Variants in COL4A5 observed in about 807,000 individuals in gnomAD.
COL4A5 encodes the protein collagen alpha-5(IV) chain.
In COL4A5, 26 loss-of-function variants were observed where a neutral mutation model predicts 130.2. The observed-to-expected ratio is 0.20, with a 90% CI of 0.15 to 0.28. The LOEUF (loss-of-function observed/expected upper bound fraction) is 0.28, where lower values mean the gene tolerates loss of function less well. Ranked by LOEUF, COL4A5 falls within the 10% of genes least tolerant of loss-of-function variation. The pLI, the probability that COL4A5 is intolerant of heterozygous loss-of-function variation, is 1.00. For synonymous variants in COL4A5, 496 were observed against 439.6 expected (o/e 1.13, Z -1.60); for missense variants, 1,131 against 1,344.3 (o/e 0.84, Z 2.48).
intron 21 of COL4A5, 118 bp downstream of exon 21, chrX:108,591,762 C>G: frequency 1.8e-6 from 1 of 569,402 alleles, no homozygotes; most frequent in Non-Finnish European, 3.0e-6. Context: ...TACCCCAAGA[C>G]CATCTCATTA....
At chrX:108,547,799 T>G in intron 2 of COL4A5, among the ~76,000 whole-genome samples, 1 of 111,800 alleles carries the variant, frequency 8.9e-6, no homozygotes, top group East Asian at 2.8e-4. Flanking sequence ...TACTCAGGCC[T>G]CAGCAATGGC....
intron 9 of COL4A5, 129 bp downstream of exon 9, chrX:108,573,783 G>A (rs1349588357): frequency 6.0e-6 from 3 of 502,783 alleles, no homozygotes; most frequent in Non-Finnish European, 1.0e-5. Context: ...GACATTACAT[G>A]TACTTTCTAC....
intron 1 of COL4A5, among the ~76,000 whole-genome samples, chrX:108,491,834 G>A (rs1020928053): frequency 9.0e-6 from 1 of 111,610 alleles, no homozygotes; most frequent in Non-Finnish European, 1.9e-5. Context: ...CAGAAGGCTT[G>A]CCTTTATTTT....
At chrX:108,589,916 A>G (rs751023153) in intron 19 of COL4A5, among the ~76,000 whole-genome samples, 1 of 111,412 alleles carries the variant, frequency 9.0e-6, no homozygotes, top group Non-Finnish European at 1.9e-5. Flanking sequence ...CTATTAATAT[A>G]AGGAACTTAG....
In COL4A5 at chrX:108,656,789, G is replaced by T. The variant is rs187902319; in HGVS notation, c.3373+1332G>T. 1.0e-3 allele frequency among the ~76,000 whole-genome samples: 114 copies of T among 111,308 alleles called. 4 individuals are homozygous for T. In the East Asian group the frequency reaches 0.031, roughly 30 times the overall value. ...TAATCATCTTTTTATTATACTATTGGCCATTTGGATAGCATCTTTTTGAAG... is the reference window on the plus strand; with the variant it reads ...TAATCATCTTTTTATTATACTATTGTCCATTTGGATAGCATCTTTTTGAAG... On this transcript the variant is annotated intron_variant, in intron 37 of 52. Coordinates refer to ENST00000328300, the MANE Select transcript of COL4A5 (RefSeq NM_033380.3).
At chrX:108,536,318 C>T (rs1428517416) in intron 1 of COL4A5, among the ~76,000 whole-genome samples, 1 of 109,179 alleles carries the variant, frequency 9.2e-6, no homozygotes, top group African/African-American at 3.3e-5. Context: ...TCTGGCCTTC[C>T]TATTTTTGTT....
intron 42 of COL4A5, among the ~76,000 whole-genome samples, chrX:108,671,434 A>T (rs779857748): frequency 8.3e-4 from 93 of 111,726 alleles, no homozygotes; most frequent in African/African-American, 2.9e-3. Context: ...TCCACTGCAA[A>T]CTCATTATTT....
intron 37 of COL4A5, among the ~76,000 whole-genome samples, chrX:108,660,664 T>A (rs1354896308): frequency 8.9e-6 from 1 of 111,978 alleles, no homozygotes; most frequent in African/African-American, 3.2e-5. Flanking sequence ...TTTGAGATTT[T>A]CTCTCTGTAA....
chrX:108,556,730 T>A (rs2065827371), intron 2 of COL4A5, among the ~76,000 whole-genome samples: 1 of 110,975 alleles, frequency 9.0e-6, no homozygotes, highest in Non-Finnish European at 1.9e-5. Context: ...CCCTACCATA[T>A]GTATTAGGAA....
chrX:108,533,483 C>T (rs2065413511), intron 1 of COL4A5, among the ~76,000 whole-genome samples: 1 of 111,286 alleles, frequency 9.0e-6, no homozygotes, highest in African/African-American at 3.3e-5. Context: ...GTGAACTGTG[C>T]ATCCAACAAA....
intron 16 of COL4A5, 113 bp from the exon 17 acceptor site, chrX:108,582,771 C>T: frequency 7.0e-6 from 3 of 431,401 alleles, no homozygotes; most frequent in Non-Finnish European, 1.2e-5. Context: ...AAAGTTAATT[C>T]TGACTGACCA....
chrX:108,504,088 A>G (rs1297124688), intron 1 of COL4A5, among the ~76,000 whole-genome samples: 1 of 111,415 alleles, frequency 9.0e-6, no homozygotes, highest in East Asian at 2.8e-4. Context: ...AATAAAGCCA[A>G]ATACAACCAA....
intron 42 of COL4A5, among the ~76,000 whole-genome samples, chrX:108,673,840 A>G (rs1345984982): frequency 9.2e-6 from 1 of 108,867 alleles, no homozygotes; most frequent in African/African-American, 3.3e-5. Context: ...TCAGGAATTC[A>G]AGACCAGCCT....
At chrX:108,590,990 A>G in intron 19 of COL4A5, 68 bp from the exon 20 acceptor site, 3 of 959,662 alleles carry the variant, frequency 3.1e-6, no homozygotes, top group Non-Finnish European at 4.5e-6. Flanking sequence ...TCATTATCTA[A>G]TGTCTCAATG....
chrX:108,567,459 G>T (rs1003945153), intron 4 of COL4A5, among the ~76,000 whole-genome samples: 1 of 111,780 alleles, frequency 8.9e-6, no homozygotes, highest in African/African-American at 3.3e-5. Context: ...TCCTCTGAGA[G>T]GTAATCATTA....
chrX:108,490,456 C>A (rs2064983856), intron 1 of COL4A5, among the ~76,000 whole-genome samples: 1 of 111,524 alleles, frequency 9.0e-6, no homozygotes, highest in Non-Finnish European at 1.9e-5. Context: ...CCCCCTGACC[C>A]CTATCATCCT....
intron 1 of COL4A5, among the ~76,000 whole-genome samples, chrX:108,451,958 G>A (rs1477416555): frequency 1.8e-5 from 2 of 111,817 alleles, no homozygotes; most frequent in East Asian, 2.8e-4. Context: ...ATGGTTTTAG[G>A]TCTAACATTT....
chrX:108,551,061 T>C (rs1468281251), intron 2 of COL4A5, among the ~76,000 whole-genome samples: 1 of 111,504 alleles, frequency 9.0e-6, no homozygotes, highest in Non-Finnish European at 1.9e-5. Flanking sequence ...ACATAGGAAA[T>C]ACCATTCTAG....
intron 29 of COL4A5, among the ~76,000 whole-genome samples, chrX:108,609,405 A>C (rs1342246550): frequency 9.0e-6 from 1 of 111,343 alleles, no homozygotes; most frequent in African/African-American, 3.3e-5. Context: ...TACATATTCA[A>C]ATATTTTGTC....
Sources: allele counts gnomAD v4.1 joint callset (sites outside exome capture counted in the v4.1 genomes callset), GRCh38; gene constraint gnomAD v4.1.1; transcripts MANE v1.5; gene names NCBI Gene and HGNC (gene_info 2026-07-23, HGNC 2026-07-21).